FAM110B: variants seen among roughly 807,000 people sequenced by gnomAD.
FAM110B encodes protein FAM110B.
Under a neutral mutation model 20.4 loss-of-function variants are expected in FAM110B, and 6 were observed. The observed-to-expected ratio is 0.29, with a 90% CI of 0.16 to 0.58. The LOEUF is 0.58. FAM110B is among the 20% of genes least tolerant of loss of function. The probability of loss-of-function intolerance (pLI) is 0.90; values close to 1 mark genes in which losing one functional copy is unlikely to be tolerated. For missense variants in FAM110B, 434 were observed against 498.2 expected (o/e 0.87, Z 1.23); for synonymous variants, 226 against 214.1 (o/e 1.06, Z -0.49).
chr8:58,130,314 T>C (rs190350036), intron 3 of FAM110B, among the ~76,000 whole-genome samples: 1 of 152,206 alleles, frequency 6.6e-6, no homozygotes, highest in South Asian at 2.1e-4. Context: ...GTAGCTAACA[T>C]ATATTGCCGC....
At chr8:58,117,816 A>G (rs994285983) in intron 3 of FAM110B, among the ~76,000 whole-genome samples, 2 of 152,218 alleles carry the variant, frequency 1.3e-5, no homozygotes, top group South Asian at 2.1e-4. Flanking sequence ...ATAGTCTATA[A>G]CCAGAAGGCA....
At chr8:58,142,034 G>A (rs942903733) in intron 3 of FAM110B, among the ~76,000 whole-genome samples, 1 of 152,190 alleles carries the variant, frequency 6.6e-6, no homozygotes, top group African/African-American at 2.4e-5. Flanking sequence ...CTGTTCACCT[G>A]ACTGCACCTG....
chr8:58,014,337 G>A (rs938859843), intron 1 of FAM110B, among the ~76,000 whole-genome samples: 9 of 152,138 alleles, frequency 5.9e-5, no homozygotes, highest in Non-Finnish European at 1.0e-4. Flanking sequence ...GTCACCAGGA[G>A]GGCTATTCAA....
At chr8:58,001,056 T>A (rs925278295) in intron 1 of FAM110B, among the ~76,000 whole-genome samples, 4 of 152,210 alleles carry the variant, frequency 2.6e-5, no homozygotes, top group Admixed American at 1.3e-4. Context: ...CCCGGGTGTG[T>A]AACCATAAAC....
intron 2 of FAM110B, among the ~76,000 whole-genome samples, chr8:58,037,743 G>A (rs992305572): frequency 1.3e-5 from 2 of 152,088 alleles, no homozygotes; most frequent in Admixed American, 6.5e-5. Context: ...TTTTTTAGTG[G>A]CATCTCTTTT....
At chr8:58,115,268 C>A (rs1585899035) in intron 3 of FAM110B, among the ~76,000 whole-genome samples, 2 of 152,292 alleles carry the variant, frequency 1.3e-5, no homozygotes, top group African/African-American at 4.8e-5. Flanking sequence ...TATTAATACA[C>A]CATCTTCCCC....
chr8:58,001,034 C>G (rs769240153), intron 1 of FAM110B, among the ~76,000 whole-genome samples: 2 of 152,158 alleles, frequency 1.3e-5, no homozygotes, highest in Non-Finnish European at 2.9e-5. Flanking sequence ...TTGTTCCAAC[C>G]TGCAACATGC....
At chr8:58,136,285 T>C (rs374132621) in intron 3 of FAM110B, among the ~76,000 whole-genome samples, 37 of 152,180 alleles carry the variant, frequency 2.4e-4, no homozygotes, top group Non-Finnish European at 3.8e-4. Context: ...GCTGGGATTA[T>C]AGGCGTGAGC....
At chr8:58,097,954 G>T (rs147112166) in intron 3 of FAM110B, among the ~76,000 whole-genome samples, 2 of 152,174 alleles carry the variant, frequency 1.3e-5, no homozygotes, top group Non-Finnish European at 2.9e-5. Flanking sequence ...AGGGGCACCC[G>T]CCAGATGCCA....
chr8:58,065,688 A>G (rs1331137485), intron 2 of FAM110B, among the ~76,000 whole-genome samples: 2 of 152,150 alleles, frequency 1.3e-5, no homozygotes, highest in African/African-American at 4.8e-5. Flanking sequence ...GTGTGTAGGA[A>G]TGAATTGAGT....
intron 2 of FAM110B, among the ~76,000 whole-genome samples, chr8:58,054,338 C>T (rs1805511890): frequency 6.6e-6 from 1 of 152,198 alleles, no homozygotes; most frequent in Non-Finnish European, 1.5e-5. Context: ...AAACAGTCTA[C>T]ACCCATGGTA....
At position 58,146,737 on chromosome 8, in the gene FAM110B, G is replaced by A; in HGVS notation, c.507G>A (p.Gln169=). ...FAESLKVYPT[Q]GRRSPQEGGS... is the part of the protein sequence containing the mutation. ...AGTCCCTGAAGGTCTACCCCACGCAGGGCCGCAGGAGCCCGCAGGAGGGCG... is the reference window on the plus strand; with the variant it reads ...AGTCCCTGAAGGTCTACCCCACGCAAGGCCGCAGGAGCCCGCAGGAGGGCG... Residue 169 remains glutamine (Q), a synonymous_variant, in exon 4 of 4, where the codon CAG becomes CAA. Transcript: ENST00000519262. 6.2e-7 allele frequency: 1 copy of A among 1,612,284 alleles called. No homozygotes were observed. Among genetic ancestry groups the A allele is most frequent in the Non-Finnish European group, 8.5e-7 (1 of 1,179,268 alleles).
intron 1 of FAM110B, among the ~76,000 whole-genome samples, chr8:58,001,683 A>G (rs975909374): frequency 1.3e-5 from 2 of 152,130 alleles, no homozygotes; most frequent in African/African-American, 4.8e-5. Flanking sequence ...ACCAAATCGC[A>G]GGGCCCTTTA....
intron 2 of FAM110B, among the ~76,000 whole-genome samples, chr8:58,054,594 A>G (rs898241771): frequency 1.3e-5 from 2 of 152,198 alleles, no homozygotes; most frequent in African/African-American, 2.4e-5. Context: ...TAGACTGTCA[A>G]TGAGGATAGA....
intron 1 of FAM110B, among the ~76,000 whole-genome samples, chr8:58,027,332 T>C (rs982486384): frequency 6.6e-6 from 1 of 152,192 alleles, no homozygotes; most frequent in Non-Finnish European, 1.5e-5. Flanking sequence ...ATAATCCTTA[T>C]TAAGTATTTG....
At chr8:58,080,896 C>CT (rs974228497) in intron 3 of FAM110B, among the ~76,000 whole-genome samples, 1 of 152,146 alleles carries the variant, frequency 6.6e-6, no homozygotes, top group African/African-American at 2.4e-5. Flanking sequence ...TACTTGAGTC[C>CT]TATGGGTCTA....
At chr8:58,015,708 G>C (rs113426405) in intron 1 of FAM110B, among the ~76,000 whole-genome samples, 2 of 151,962 alleles carry the variant, frequency 1.3e-5, no homozygotes, top group African/African-American at 4.8e-5. Context: ...AGCCAGGTGT[G>C]GTGGTGTGTG....
At chr8:58,068,478 G>C (rs1420329393) in intron 2 of FAM110B, among the ~76,000 whole-genome samples, 1 of 152,160 alleles carries the variant, frequency 6.6e-6, no homozygotes, top group Non-Finnish European at 1.5e-5. Context: ...AAAGATTGGA[G>C]GATGAAATGC....
At chr8:57,999,178 G>A (rs1804245597) in intron 1 of FAM110B, among the ~76,000 whole-genome samples, 1 of 152,164 alleles carries the variant, frequency 6.6e-6, no homozygotes, top group Non-Finnish European at 1.5e-5. Context: ...TTAAATCTAT[G>A]ACTTTAAAAT....
Sources: gnomAD v4.1 joint callset for allele counts (sites outside exome capture counted in the v4.1 genomes callset) on GRCh38, gnomAD v4.1.1 for gene constraint, MANE v1.5 for transcripts, NCBI Gene and HGNC (gene_info 2026-07-23, HGNC 2026-07-21) for gene names.